Variants in SH2B2 observed in about 807,000 individuals in gnomAD.
SH2B2 encodes SH2B adaptor protein 2.
A neutral mutation model predicts 35.7 loss-of-function variants in SH2B2; 37 were observed. That is an observed-to-expected ratio of 1.04 (90% confidence interval 0.80 to 1.36). The LOEUF is 1.36. SH2B2 is among the 40% of genes most tolerant of loss of function. The pLI, the probability that SH2B2 is intolerant of heterozygous loss-of-function variation, is 0.00. For synonymous variants in SH2B2, 383 were observed against 376.4 expected (o/e 1.02, Z -0.20); for missense variants, 852 against 817.7 (o/e 1.04, Z -0.51).
rs556726980 is a variant in SH2B2 at position 102,301,287 on chromosome 7, AC to A, written c.729+12del. On this transcript the variant is annotated intron_variant, in intron 2 of 8. Transcript: ENST00000444095. The stretch of plus-strand genomic sequence containing the variant: ...TTCTTCGTGCCGCCCAAAGTGAGTT[AC>A]CCCATAATCCCACCTAGCCTGGGGG... 116 of 1,599,824 alleles carry A rather than the reference AC, an allele frequency of 7.3e-5. No individual in the cohort carries two copies. In the East Asian group the frequency reaches 2.6e-3, roughly 36 times the overall value.
chr7:102,307,855 C>A (rs1205174769), intron 3 of SH2B2, among the ~76,000 whole-genome samples: 1 of 151,960 alleles, frequency 6.6e-6, no homozygotes, highest in Non-Finnish European at 1.5e-5. Context: ...ACTACAACCT[C>A]CTCCTCCCGG....
chr7:102,287,653 G>A (rs1554551097), intron 1 of SH2B2, among the ~76,000 whole-genome samples: 2 of 152,162 alleles, frequency 1.3e-5, no homozygotes, highest in Admixed American at 1.3e-4. Flanking sequence ...GATCGTGGAG[G>A]GTGCCCAAGA....
intron 4 of SH2B2, among the ~76,000 whole-genome samples, chr7:102,310,063 C>T (rs1445348096): frequency 6.6e-6 from 1 of 152,152 alleles, no homozygotes; most frequent in Non-Finnish European, 1.5e-5. Flanking sequence ...TGCCCATAGT[C>T]CCAGCACTTT....
Position 102,302,507 on chromosome 7 carries a change from C to T in SH2B2, c.729+1228C>T, listed in dbSNP as rs551544703. 2.0e-5 allele frequency among the ~76,000 whole-genome samples: 3 copies of T among 152,244 alleles called. No individual in the cohort carries two copies. In the East Asian group the frequency reaches 5.8e-4, roughly 29 times the overall value. On this transcript the variant is annotated intron_variant, in intron 2 of 8. Coordinates refer to ENST00000444095, the MANE Select transcript of SH2B2 (RefSeq NM_001359228.2). ...CATCAGGTCCCTGGCAGTAGTGTCACGTCTTCTCCAAGGTGGCCCCCCTGC... is the reference window on the plus strand; with the variant it reads ...CATCAGGTCCCTGGCAGTAGTGTCATGTCTTCTCCAAGGTGGCCCCCCTGC...
In SH2B2 at chr7:102,321,320, C is replaced by T. The variant is rs1554558442; in HGVS notation, c.1589C>T (p.Ala530Val). The T allele has an allele frequency of 7.0e-7, 1 of 1,426,986 alleles. No individual in the cohort carries two copies. The highest frequency in any genetic ancestry group is 2.9e-5 in the Admixed American group (1 of 34,172). The allele number at this position is 1,426,986 out of a possible 1,614,324, so 88.4% of individuals were successfully genotyped here. A position where few individuals can be genotyped will look rare whatever the true frequency, so the allele number is the denominator to read the frequency against. Residue 530 changes from alanine (A) to valine (V), a missense_variant, in exon 9 of 9, where the codon GCC becomes GTC. Around this residue, in one of 3 missense-constraint regions of SH2B2, gnomAD observed 556 missense variants for 514.5 expected, o/e 1.08. Coordinates refer to ENST00000444095, the MANE Select transcript of SH2B2 (RefSeq NM_001359228.2). ...PPPEPGPTPP[A>V]APASPACWSD... ...GCAGAGCCGGGCCCCACGCCCCCTG[C>T]CGCGCCCGCGTCCCCGGCCTGCTGG...
rs573414615 is a variant in SH2B2, at chr7:102,309,292, C to T, written c.923+386C>T. 33 of 392,230 alleles carry T rather than the reference C, an allele frequency of 8.4e-5. No individual in the cohort carries two copies. The East Asian group carries it at 1.4e-3, about 16-fold the overall frequency. The allele number at this position is 392,230 out of a possible 1,614,324, so 24.3% of individuals were successfully genotyped here. ...CTTTGGGAGGCCCAGCTGGGAGGAC[C>T]GCTTGAGCCAGGAGTTCAAGACCAG... On this transcript the variant is annotated intron_variant, in intron 4 of 8. Coordinates refer to ENST00000444095, the MANE Select transcript of SH2B2 (RefSeq NM_001359228.2).
intron 4 of SH2B2, among the ~76,000 whole-genome samples, chr7:102,313,601 T>G (rs1173681022): frequency 6.6e-6 from 1 of 151,902 alleles, no homozygotes. Flanking sequence ...AATTTCTTTA[T>G]GACAAGTTTT....
chr7:102,287,009 G>C lies in SH2B2; in HGVS notation c.-115G>C. The stretch of plus-strand genomic sequence containing the variant: ...GAGCCCAGTCCGCCGCGGGCCATGA[G>C]CCACCGGGCCCGGGGAGCCCGGCCG... On this transcript the variant is annotated 5_prime_UTR_variant, in exon 1 of 9. Transcript: ENST00000444095. The C allele has an allele frequency of 6.6e-6, 1 of 151,154 alleles. No individual in the cohort carries two copies. Among genetic ancestry groups the C allele is most frequent in the East Asian group, 1.9e-4 (1 of 5,136 alleles). 9.4% of individuals were successfully genotyped at this position (151,154 alleles called of 1,614,324 possible).
chr7:102,297,941 T>G lies in SH2B2; in HGVS notation c.-29-2581T>G, dbSNP rs1463390476. On this transcript the variant is annotated intron_variant, in intron 1 of 8. Transcript: ENST00000444095. This position sits in a 1 kb window ranked among gnomAD's most constrained non-coding sequence, Gnocchi z 4.3. ...AGGGATTTGTCATTCTCAAGAGTGG[T>G]CAGGGAAGGCTATCCGCCAAGCCAT... 6.6e-6 allele frequency among the ~76,000 whole-genome samples: 1 copy of G among 152,078 alleles called. No individual in the cohort carries two copies. The highest frequency in any genetic ancestry group is 2.1e-4 in the South Asian group (1 of 4,820).
At chr7:102,299,454 C>T (rs1793063049) in intron 1 of SH2B2, among the ~76,000 whole-genome samples, 1 of 151,836 alleles carries the variant, frequency 6.6e-6, no homozygotes, top group African/African-American at 2.4e-5. Context: ...GCCTCGGCCT[C>T]CCAAAGTGCT....
chr7:102,303,186 C>T (rs1474932730), intron 2 of SH2B2, among the ~76,000 whole-genome samples: 1 of 151,530 alleles, frequency 6.6e-6, no homozygotes, highest in Admixed American at 6.6e-5. Flanking sequence ...CATTGCACTC[C>T]AGCCTGGGCA....
chr7:102,320,144 C>A (rs1282717124), intron 7 of SH2B2, among the ~76,000 whole-genome samples, 187 bp from the exon 8 acceptor site: 10 of 152,150 alleles, frequency 6.6e-5, no homozygotes, highest in Admixed American at 6.5e-4. Flanking sequence ...TGATGCCTTC[C>A]ATCTCAGCCT....
intron 4 of SH2B2, among the ~76,000 whole-genome samples, chr7:102,313,001 T>A (rs1447494233): frequency 6.6e-6 from 1 of 151,726 alleles, no homozygotes; most frequent in Non-Finnish European, 1.5e-5. Flanking sequence ...TGGTGGTACA[T>A]GCCTGTAATA....
chr7:102,320,535 T>G (rs1554558219), intron 8 of SH2B2, 33 bp downstream of exon 8: 1 of 1,600,818 alleles, frequency 6.2e-7, no homozygotes, highest in Non-Finnish European at 8.5e-7. Flanking sequence ...GTGTGATTAC[T>G]CAAGAAGACT....
At chr7:102,299,599 A>C (rs1793068045) in intron 1 of SH2B2, among the ~76,000 whole-genome samples, 1 of 152,210 alleles carries the variant, frequency 6.6e-6, no homozygotes, top group African/African-American at 2.4e-5. Context: ...GGAGTGCTGC[A>C]TGCAGGAAAA....
chr7:102,309,355 C>CTCT (rs1554555559), intron 4 of SH2B2: 13 of 184,150 alleles, frequency 7.1e-5, no homozygotes, highest in Admixed American at 1.6e-4. Flanking sequence ...CTCTCTCTCT[C>CTCT]TTTTTTTTTT....
In SH2B2 at chr7:102,297,106, A is replaced by T. The variant is rs1212661625; in HGVS notation, c.-29-3416A>T. Among the ~76,000 whole-genome samples, 1 of 152,230 alleles carries T rather than the reference A, an allele frequency of 6.6e-6. No individual in the cohort carries two copies. The highest frequency in any genetic ancestry group is 2.4e-5 in the African/African-American group (1 of 41,458). On this transcript the variant is annotated intron_variant, in intron 1 of 8. Coordinates refer to ENST00000444095, the MANE Select transcript of SH2B2 (RefSeq NM_001359228.2). The surrounding 1 kb of genome is among the most constrained non-coding windows in gnomAD (Gnocchi z 4.3). ...GAAAATCCCAGAAGTAAACATACAA[A>T]TACAAATGTAAATTGCAGGCCAGTC...
At chr7:102,301,358 G>A (rs1793184698) in intron 2 of SH2B2, 79 bp downstream of exon 2, 2 of 1,477,904 alleles carry the variant, frequency 1.4e-6, no homozygotes, top group Admixed American at 2.4e-5. Flanking sequence ...GCCAGGGACT[G>A]CCTTTGGGGA....
chr7:102,321,679 C>G lies in SH2B2; in HGVS notation c.*49C>G. On this transcript the variant is annotated 3_prime_UTR_variant, in exon 9 of 9. Coordinates refer to ENST00000444095, the MANE Select transcript of SH2B2 (RefSeq NM_001359228.2). ...CACGCCAAGCTCTTCAGTGAAGACACGATGTTATTAAAAGCCTGTTTTAGG... is the reference window on the plus strand; with the variant it reads ...CACGCCAAGCTCTTCAGTGAAGACAGGATGTTATTAAAAGCCTGTTTTAGG... 1 of 1,092,172 alleles carries G rather than the reference C, an allele frequency of 9.2e-7. No individual in the cohort carries two copies. The highest frequency in any genetic ancestry group is 4.3e-5 in the South Asian group (1 of 23,332). 67.7% of individuals were successfully genotyped at this position (1,092,172 alleles called of 1,614,324 possible).
Sources: gnomAD v4.1 joint callset for allele counts (sites outside exome capture counted in the v4.1 genomes callset) on GRCh38, gnomAD v4.1.1 for gene constraint, gnomAD v4.1.1 regional missense constraint, Gnocchi (gnomAD v3.1) non-coding constraint, MANE v1.5 for transcripts, NCBI Gene and HGNC (gene_info 2026-07-23, HGNC 2026-07-21) for gene names.